Variants in OXNAD1 observed in about 807,000 individuals in gnomAD.
OXNAD1 encodes oxidoreductase NAD-binding domain-containing protein 1.
A neutral mutation model predicts 32.9 loss-of-function variants in OXNAD1; 34 were observed. The ratio of observed to expected loss-of-function variants is 1.03; its 90% CI spans 0.79 to 1.38. The LOEUF is 1.38. OXNAD1 is among the 40% of genes most tolerant of loss of function. OXNAD1 has a pLI of 0.00. For missense variants in OXNAD1, 407 were observed against 379.4 expected (o/e 1.07, Z -0.60); for synonymous variants, 134 against 135.2 (o/e 0.99, Z 0.06).
At position 16,299,646 on chromosome 3, in the gene OXNAD1, A is replaced by C. The variant is rs1224432618; in HGVS notation, c.433-1980A>C. ...AGACCAAATTAAATTCATGTCCAGAAGTACCTACTGCTCACCTGACATGCA... is the reference window on the plus strand; with the variant it reads ...AGACCAAATTAAATTCATGTCCAGACGTACCTACTGCTCACCTGACATGCA... On this transcript the variant is annotated intron_variant, in intron 6 of 8. Transcript: ENST00000285083. This position sits in a 1 kb window ranked among gnomAD's most constrained non-coding sequence, Gnocchi z 4.4. Among the ~76,000 whole-genome samples, 1 of 152,226 alleles carries C rather than the reference A, an allele frequency of 6.6e-6. No individual in the cohort carries two copies. The highest frequency in any genetic ancestry group is 1.5e-5 in the Non-Finnish European group (1 of 68,034).
In OXNAD1 at chr3:16,314,053, G is replaced by A. The variant is rs1575191255; in HGVS notation, c.*30+10461G>A. On this transcript the variant is annotated intron_variant, in intron 9 of 9. Transcript: ENST00000435829. This position sits in a 1 kb window ranked among gnomAD's most constrained non-coding sequence, Gnocchi z 4.4. ...GATTCAGCCACAACATCGTAGGAAT[G>A]CCACATTTCAATCACCTGATAACCA... Among the ~76,000 whole-genome samples the A allele has an allele frequency of 6.6e-6, 1 of 152,004 alleles. No homozygotes were observed. The highest frequency in any genetic ancestry group is 1.9e-4 in the East Asian group (1 of 5,162).
chr3:16,351,212 G>T (rs1559849156), downstream of OXNAD1, among the ~76,000 whole-genome samples: 1 of 152,198 alleles, frequency 6.6e-6, no homozygotes, highest in Non-Finnish European at 1.5e-5. This position sits in a 1 kb window ranked among gnomAD's most constrained non-coding sequence, Gnocchi z 5.4. Flanking sequence ...AGAATGGTTT[G>T]GGTTAGTGTC....
At chr3:16,279,425 G>A (rs748844965) in intron 4 of OXNAD1, among the ~76,000 whole-genome samples, 3 of 151,818 alleles carry the variant, frequency 2.0e-5, no homozygotes, top group Non-Finnish European at 1.5e-5. Context: ...GCACAGTGCC[G>A]GAGAAAAAAA....
intron 1 of OXNAD1, among the ~76,000 whole-genome samples, chr3:16,266,602 C>CA (rs77883979): frequency 0.15 from 10,918 of 72,584 alleles, 1,082 homozygotes; most frequent in African/African-American, 0.25. Context: ...GACGCTGTCT[C>CA]AAAAAAAAAA....
rs2070770552 is a variant in OXNAD1 at position 16,335,641 on chromosome 3, G to A, written c.*31-1471G>A. 6.6e-6 allele frequency among the ~76,000 whole-genome samples: 1 copy of A among 152,164 alleles called. No individual in the cohort carries two copies. ...GACCTGTTGGAGGTGTGGGAGGAGGGAGAGCATCAGGAAAAATAGCTAATG... is the reference window on the plus strand; with the variant it reads ...GACCTGTTGGAGGTGTGGGAGGAGGAAGAGCATCAGGAAAAATAGCTAATG... On this transcript the variant is annotated intron_variant, in intron 9 of 9. Coordinates refer to the OXNAD1 transcript ENST00000435829. The surrounding 1 kb of genome is among the most constrained non-coding windows in gnomAD (Gnocchi z 4.7).
At position 16,314,605 on chromosome 3, in the gene OXNAD1, A is replaced by G. The variant is rs2068205684; in HGVS notation, c.*30+11013A>G. 3 of 152,372 alleles carry G rather than the reference A, an allele frequency of 2.0e-5. No individual in the cohort carries two copies. In the South Asian group the frequency reaches 6.2e-4, roughly 32 times the overall value. 9.4% of individuals were successfully genotyped at this position (152,372 alleles called of 1,614,324 possible). Reference sequence around the variant, plus strand: ...CTGTAGACTGATTTTTGCCAGAATCAGCAGGGTGTAGAGAAGCAAGGGAGA... The same window carrying G: ...CTGTAGACTGATTTTTGCCAGAATCGGCAGGGTGTAGAGAAGCAAGGGAGA... On this transcript the variant is annotated intron_variant, in intron 9 of 9. Coordinates refer to the OXNAD1 transcript ENST00000435829. The surrounding 1 kb of genome is among the most constrained non-coding windows in gnomAD (Gnocchi z 4.4).
intron 4 of OXNAD1, among the ~76,000 whole-genome samples, chr3:16,279,277 T>G (rs2065578195): frequency 6.6e-6 from 1 of 151,992 alleles, no homozygotes. Context: ...CCCAAGGAAG[T>G]ATAGTCTGAT....
At chr3:16,328,619 C>A (rs542811425) in intron 9 of OXNAD1, among the ~76,000 whole-genome samples, 1 of 152,362 alleles carries the variant, frequency 6.6e-6, no homozygotes, top group South Asian at 2.1e-4. Context: ...CAAAGCATGG[C>A]CCGAGCCGGC....
At chr3:16,294,176 A>G (rs1208272529) in intron 5 of OXNAD1, among the ~76,000 whole-genome samples, 3 of 151,058 alleles carry the variant, frequency 2.0e-5, no homozygotes, top group Non-Finnish European at 4.4e-5. Flanking sequence ...AGAACTTAAC[A>G]GGATGCCATC....
chr3:16,292,472 A>C (rs1357367249), intron 5 of OXNAD1, among the ~76,000 whole-genome samples: 1 of 152,156 alleles, frequency 6.6e-6, no homozygotes, highest in Non-Finnish European at 1.5e-5. Flanking sequence ...GGATTTGTAT[A>C]GGCATGAGCC....
rs690085 is a variant in OXNAD1, at chr3:16,327,339, C to T, written c.*31-9773C>T. 0.32 allele frequency among the ~76,000 whole-genome samples: 49,300 copies of T among 152,090 alleles called. 8,827 individuals carry two copies. The highest frequency in any genetic ancestry group is 0.39 in the Non-Finnish European group (26,744 of 67,968). ...ACAGCAACACACACATGCACATCCA[C>T]ATGTGTGTGTACACGCAGAAGCTGC... On this transcript the variant is annotated intron_variant, in intron 9 of 9. Transcript: ENST00000435829. The surrounding 1 kb of genome is among the most constrained non-coding windows in gnomAD (Gnocchi z 4.2).
Position 16,301,625 on chromosome 3 carries a change from G to C in OXNAD1, c.433-1G>C. On this transcript the variant is annotated splice_acceptor_variant, in intron 6 of 8. Transcript: ENST00000285083. LOFTEE classifies it high-confidence loss of function. This position sits in a 1 kb window ranked among gnomAD's most constrained non-coding sequence, Gnocchi z 4.1. ...AAAAGGTCTTTTCTTTCCTGCCTTA[G>C]TGTACACTTGACTGTGAAGTGGCTG... The C allele has an allele frequency of 1.2e-6, 2 of 1,613,936 alleles. No individual in the cohort carries two copies. The highest frequency in any genetic ancestry group is 1.7e-6 in the Non-Finnish European group (2 of 1,179,922).
At chr3:16,295,739 T>A (rs1357160602) in intron 6 of OXNAD1, among the ~76,000 whole-genome samples, 2 of 152,106 alleles carry the variant, frequency 1.3e-5, no homozygotes, top group Non-Finnish European at 2.9e-5. Context: ...ACCAACAACC[T>A]CCATCCCAAC....
intron 5 of OXNAD1, among the ~76,000 whole-genome samples, chr3:16,292,971 A>G (rs1400158860): frequency 1.3e-5 from 2 of 152,222 alleles, no homozygotes; most frequent in Admixed American, 6.5e-5. Flanking sequence ...CTACAAATGT[A>G]AACTTCTTTT....
In OXNAD1 at chr3:16,271,226, T is replaced by C; in HGVS notation, c.119+155T>C. The stretch of plus-strand genomic sequence containing the variant: ...TGTTAACCGTTTTTTTTGTCTGAGA[T>C]GGAGTCTTGCTCCGTCGCCTGGGCT... On this transcript the variant is annotated intron_variant, in intron 3 of 8. Coordinates refer to ENST00000285083, the MANE Select transcript of OXNAD1 (RefSeq NM_138381.5). This position sits in a 1 kb window ranked among gnomAD's most constrained non-coding sequence, Gnocchi z 4.6. 2 of 914,288 alleles carry C rather than the reference T, an allele frequency of 2.2e-6. No individual in the cohort carries two copies. Among genetic ancestry groups the C allele is most frequent in the Non-Finnish European group, 3.3e-6 (2 of 609,470 alleles). 56.6% of individuals were successfully genotyped at this position (914,288 alleles called of 1,614,324 possible).
chr3:16,285,685 G>C (rs6442594), intron 4 of OXNAD1, among the ~76,000 whole-genome samples: 36,096 of 152,042 alleles, frequency 0.24, 5,983 homozygotes, highest in African/African-American at 0.48. Flanking sequence ...CTGTAGGGAA[G>C]GGCTCTTTTT....
chr3:16,346,281 G>A lies in OXNAD1; in HGVS notation c.*31-2895G>A, dbSNP rs1044698378. 1 of 152,078 alleles carries A rather than the reference G, an allele frequency of 6.6e-6. No homozygotes were observed. Among genetic ancestry groups the A allele is most frequent in the Non-Finnish European group, 1.5e-5 (1 of 68,022 alleles). 9.4% of individuals were successfully genotyped at this position (152,078 alleles called of 1,614,324 possible). ...CTCTCACAGTGGCTGACACACAGTA[G>A]GAACTCAATATTTATTTGTTGGATA... On this transcript the variant is annotated intron_variant, in intron 9 of 9. Transcript: ENST00000606098. This position sits in a 1 kb window ranked among gnomAD's most constrained non-coding sequence, Gnocchi z 4.4.
In OXNAD1 at chr3:16,303,544, CT is replaced by C. The variant is rs745458406; in HGVS notation, c.924del (p.Phe308LeufsTer17). 1 of 1,613,872 alleles carries C rather than the reference CT, an allele frequency of 6.2e-7. No individual in the cohort carries two copies. Among genetic ancestry groups the C allele is most frequent in the Non-Finnish European group, 8.5e-7 (1 of 1,179,896 alleles). ...NNHVPKEHIC[F>X]EKWW ...ACCATGTACCCAAAGAACACATTTG[CT>C]TTGAGAAGTGGTGGTAGGAGGCAGA... On this transcript the variant is annotated frameshift_variant, in exon 9 of 9. Coordinates refer to ENST00000285083, the MANE Select transcript of OXNAD1 (RefSeq NM_138381.5). LOFTEE classifies it high-confidence loss of function. This position sits in a 1 kb window ranked among gnomAD's most constrained non-coding sequence, Gnocchi z 4.8.
rs1009978378 is a variant in OXNAD1 at position 16,302,081 on chromosome 3, G to C, written c.675+213G>C. Among the ~76,000 whole-genome samples the C allele has an allele frequency of 4.6e-5, 7 of 152,328 alleles. No homozygotes were observed. In the South Asian group the frequency reaches 1.5e-3, roughly 32 times the overall value. On this transcript the variant is annotated intron_variant, in intron 7 of 8. Coordinates refer to ENST00000285083, the MANE Select transcript of OXNAD1 (RefSeq NM_138381.5). This position sits in a 1 kb window ranked among gnomAD's most constrained non-coding sequence, Gnocchi z 4.2. The stretch of plus-strand genomic sequence containing the variant: ...AGGCTAGCAGTTAGGTGACAGGAAA[G>C]GGTAGGTTTTGGTGGGATGGAATCT...
Sources: gnomAD v4.1 joint callset for allele counts (sites outside exome capture counted in the v4.1 genomes callset) on GRCh38, gnomAD v4.1.1 for gene constraint, Gnocchi (gnomAD v3.1) non-coding constraint, MANE v1.5 for transcripts, NCBI Gene and HGNC (gene_info 2026-07-23, HGNC 2026-07-21) for gene names.